The following RNF182 variants were observed in gnomAD, a reference collection of about 807,000 sequenced individuals.
RNF182 encodes E3 ubiquitin-protein ligase RNF182.
RNF182 carries 15 observed loss-of-function variants against 14.4 expected under a neutral mutation model. The ratio of observed to expected loss-of-function variants is 1.04; its 90% CI spans 0.70 to 1.60. The LOEUF is 1.60. RNF182 is among the 40% of genes most tolerant of loss of function. RNF182 has a pLI of 0.00. For synonymous variants in RNF182, 128 were observed against 122.9 expected, an observed-to-expected ratio of 1.04 and a Z score of -0.27; for missense variants, 268 against 294.8, an observed-to-expected ratio of 0.91 and a Z score of 0.67.
chr6:13,933,372 T>A (rs937135742), intron 1 of RNF182, among the ~76,000 whole-genome samples: 3 of 152,050 alleles, frequency 2.0e-5, no homozygotes, highest in Non-Finnish European at 4.4e-5. Flanking sequence ...AAAAATTAGC[T>A]GGGCATGGTG....
chr6:13,978,001 T>C lies in RNF182; in HGVS notation c.*138T>C. On this transcript the variant is annotated 3_prime_UTR_variant, in exon 3 of 3. Coordinates refer to ENST00000488300, the MANE Select transcript of RNF182 (RefSeq NM_152737.4). ...CAAAACCCTTGGCCACATGTTGACT[T>C]GATTGGTTTTCCTGTAGGCTGGAAG... 1.0e-6 allele frequency: 1 copy of C among 998,946 alleles called. No homozygotes were observed. The highest frequency in any genetic ancestry group is 1.5e-6 in the Non-Finnish European group (1 of 688,426). 61.9% of individuals were successfully genotyped at this position (998,946 alleles called of 1,614,324 possible). A position where few individuals can be genotyped will look rare whatever the true frequency, so the allele number is the denominator to read the frequency against.
chr6:13,943,349 G>A (rs1406850604), intron 1 of RNF182, among the ~76,000 whole-genome samples: 3 of 151,066 alleles, frequency 2.0e-5, no homozygotes, highest in Admixed American at 6.6e-5. Flanking sequence ...TTGAACTGCT[G>A]GGCTCAAGTG....
chr6:13,967,013 G>GT (rs1452043130), intron 1 of RNF182, among the ~76,000 whole-genome samples: 1 of 151,930 alleles, frequency 6.6e-6, no homozygotes, highest in African/African-American at 2.4e-5. Context: ...ATTTTTGTAT[G>GT]TTTTTGTAGA....
chr6:13,939,822 C>T (rs571987144), intron 1 of RNF182, among the ~76,000 whole-genome samples: 3 of 152,314 alleles, frequency 2.0e-5, no homozygotes, highest in Non-Finnish European at 2.9e-5. Flanking sequence ...GGATTACAGG[C>T]GTGAGCCACT....
intron 1 of RNF182, among the ~76,000 whole-genome samples, chr6:13,965,084 G>C (rs1400862368): frequency 6.6e-6 from 1 of 152,228 alleles, no homozygotes; most frequent in Admixed American, 6.5e-5. Flanking sequence ...ATGTGATGGA[G>C]CGGCAGCCAG....
chr6:13,938,047 C>T (rs1276815843), intron 1 of RNF182, among the ~76,000 whole-genome samples: 2 of 112,414 alleles, frequency 1.8e-5, no homozygotes, highest in East Asian at 3.0e-4. Context: ...TTTCTGTCGT[C>T]GCCCAGGCTG....
At position 13,977,500 on chromosome 6, in the gene RNF182, C is replaced by A. The variant is rs372439813; in HGVS notation, c.381C>A (p.Asn127Lys). 6.2e-7 allele frequency: 1 copy of A among 1,614,250 alleles called. No individual in the cohort carries two copies. Among genetic ancestry groups the A allele is most frequent in the African/African-American group, 1.3e-5 (1 of 75,072 alleles). ...TCAGTCCTTCTCACACGTCCTCCAA[C>A]TGCCTGGTCATAACCATCATGGAGG... ...SLVSPSHTSS[N>K]CLVITIMEVQ... The change falls in exon 3 of 3, where the codon AAC (asparagine) becomes AAA (lysine). Residue 127 changes from asparagine to lysine, a missense_variant. Asn to Lys is a moderately conservative substitution (Grantham distance 94). Transcript: ENST00000488300.
At chr6:13,970,846 T>C (rs964476692) in intron 1 of RNF182, among the ~76,000 whole-genome samples, 4 of 152,220 alleles carry the variant, frequency 2.6e-5, no homozygotes, top group Admixed American at 1.3e-4. Flanking sequence ...CAGAAAAATA[T>C]ACATTTTGAA....
intron 1 of RNF182, among the ~76,000 whole-genome samples, chr6:13,928,061 T>C (rs528349024): frequency 6.6e-6 from 1 of 152,362 alleles, no homozygotes; most frequent in Non-Finnish European, 1.5e-5. Context: ...GTGACATGGA[T>C]TATTAATAGT....
intron 1 of RNF182, among the ~76,000 whole-genome samples, chr6:13,957,621 C>A (rs1369024315): frequency 2.0e-5 from 3 of 152,032 alleles, no homozygotes. Flanking sequence ...ATGGTGTATT[C>A]TTTAGAATTA....
At chr6:13,967,664 T>C (rs1464071929) in intron 1 of RNF182, among the ~76,000 whole-genome samples, 1 of 152,176 alleles carries the variant, frequency 6.6e-6, no homozygotes. Flanking sequence ...TATTAGAAAT[T>C]ACATATGGCA....
intron 1 of RNF182, among the ~76,000 whole-genome samples, chr6:13,953,951 C>T (rs1411914177): frequency 6.6e-6 from 1 of 152,194 alleles, no homozygotes; most frequent in Non-Finnish European, 1.5e-5. Context: ...AGAAACAAAG[C>T]ATCCATGAGC....
chr6:13,977,006 C>A lies in RNF182; in HGVS notation c.-114C>A. ...TTTCTGGTTTCTTTCACTACTTATCCTGCCTTTTTGCATCGCTGCCAGATT... is the reference window on the plus strand; with the variant it reads ...TTTCTGGTTTCTTTCACTACTTATCATGCCTTTTTGCATCGCTGCCAGATT... On this transcript the variant is annotated 5_prime_UTR_variant, in exon 3 of 3. In the 5' UTR this introduces an upstream ATG that the reference lacks. Transcript: ENST00000488300. 8.8e-7 allele frequency: 1 copy of A among 1,142,454 alleles called. No homozygotes were observed. Among genetic ancestry groups the A allele is most frequent in the Non-Finnish European group, 1.2e-6 (1 of 801,554 alleles). 70.8% of individuals were successfully genotyped at this position (1,142,454 alleles called of 1,614,324 possible).
chr6:13,950,329 C>T (rs747806123), intron 1 of RNF182, among the ~76,000 whole-genome samples: 16 of 151,984 alleles, frequency 1.1e-4, no homozygotes, highest in Admixed American at 2.0e-4. Context: ...ACCTGGAATT[C>T]GCTGTAAAGC....
chr6:13,966,775 C>A (rs1177845053), intron 1 of RNF182, among the ~76,000 whole-genome samples: 4 of 143,338 alleles, frequency 2.8e-5, no homozygotes, highest in Non-Finnish European at 6.1e-5. Flanking sequence ...CCCCCCCACC[C>A]CCCCACCAAA....
intron 1 of RNF182, among the ~76,000 whole-genome samples, chr6:13,970,967 C>G (rs973716440): frequency 6.6e-6 from 1 of 151,986 alleles, no homozygotes; most frequent in Non-Finnish European, 1.5e-5. Context: ...AAAGATAACA[C>G]TAGTACAGAA....
At position 13,978,603 on chromosome 6, in the gene RNF182, G is replaced by A. The variant is rs1581266038; in HGVS notation, c.*740G>A. 1 of 166,968 alleles carries A rather than the reference G, an allele frequency of 6.0e-6. No individual in the cohort carries two copies. Among genetic ancestry groups the A allele is most frequent in the East Asian group, 1.9e-4 (1 of 5,198 alleles). 10.3% of individuals were successfully genotyped at this position (166,968 alleles called of 1,614,324 possible). A position where few individuals can be genotyped will look rare whatever the true frequency, so the allele number is the denominator to read the frequency against. On this transcript the variant is annotated 3_prime_UTR_variant, in exon 3 of 3. Coordinates refer to ENST00000488300, the MANE Select transcript of RNF182 (RefSeq NM_152737.4). ...AGTCTTATCTGAGAAGAATGGAGGA[G>A]AAGGAACTTCTCATACAGCGGTTAT...
chr6:13,953,439 A>G (rs1759645044), intron 1 of RNF182, among the ~76,000 whole-genome samples: 1 of 152,126 alleles, frequency 6.6e-6, no homozygotes, highest in Non-Finnish European at 1.5e-5. Context: ...GCAGGAGGTA[A>G]GTAGGAGAGA....
chr6:13,942,918 T>C (rs926378687), intron 1 of RNF182, among the ~76,000 whole-genome samples: 12 of 152,220 alleles, frequency 7.9e-5, no homozygotes, highest in African/African-American at 2.7e-4. Context: ...GTATAACTTA[T>C]ACGCCATAAA....
Sources: gnomAD v4.1 joint callset for allele counts (sites outside exome capture counted in the v4.1 genomes callset) on GRCh38, gnomAD v4.1.1 for gene constraint, MANE v1.5 for transcripts, NCBI Gene and HGNC (gene_info 2026-07-23, HGNC 2026-07-21) for gene names.